The following IGF2R variants were observed in gnomAD, a reference collection of about 807,000 sequenced individuals.
IGF2R encodes cation-independent mannose-6-phosphate receptor.
In IGF2R, 91 loss-of-function variants were observed where a neutral mutation model predicts 270.6. That is an observed-to-expected ratio of 0.34 (90% CI 0.28 to 0.40). The LOEUF is 0.40. IGF2R is among the 10% of genes least tolerant of loss of function. The pLI, the probability that IGF2R is intolerant of heterozygous loss-of-function variation, is 1.00. For synonymous variants in IGF2R, 1,316 were observed against 1,258.9 expected, an observed-to-expected ratio of 1.05 and a Z score of -0.96; for missense variants, 2,805 against 3,188.3, an observed-to-expected ratio of 0.88 and a Z score of 2.90.
At chr6:160,096,416 T>C (rs1268104695) in intron 44 of IGF2R, 23 bp from the exon 45 acceptor site, 2 of 1,600,330 alleles carry the variant, frequency 1.2e-6, no homozygotes, top group Non-Finnish European at 1.7e-6. Context: ...TGACATGCCA[T>C]GTGTGCCCTT....
intron 21 of IGF2R, 64 bp from the exon 22 acceptor site, chr6:160,058,842 T>G: frequency 7.1e-7 from 1 of 1,416,062 alleles, no homozygotes; most frequent in East Asian, 2.3e-5. Flanking sequence ...TTGCTAGGGT[T>G]CTTGTCTGTG....
At chr6:160,093,608 A>C in intron 44 of IGF2R, 1 of 702,076 alleles carries the variant, frequency 1.4e-6, no homozygotes, top group Non-Finnish European at 2.7e-6. Flanking sequence ...CTGGATCATC[A>C]ATGCCTTCCT....
At chr6:160,065,990 A>G (rs1040505987) in intron 29 of IGF2R, among the ~76,000 whole-genome samples, 1 of 135,682 alleles carries the variant, frequency 7.4e-6, no homozygotes, top group Non-Finnish European at 1.6e-5. Flanking sequence ...AGACACCACC[A>G]TGCCTGGCTA....
intron 29 of IGF2R, among the ~76,000 whole-genome samples, chr6:160,065,814 G>GTGTGTGTGTGTGTGTA: frequency 1.3e-5 from 1 of 78,392 alleles, no homozygotes; most frequent in African/African-American, 5.6e-5. Flanking sequence ...GTGTGTGTGT[G>GTGTGTGTGTGTGTGTA]TATATATATA....
intron 44 of IGF2R, chr6:160,093,931 G>C: frequency 1.4e-6 from 1 of 706,856 alleles, no homozygotes; most frequent in South Asian, 1.4e-5. Context: ...CTTTATCACA[G>C]ACTTTGCTAA....
chr6:159,990,587 C>T (rs1157204925), intron 1 of IGF2R, among the ~76,000 whole-genome samples: 1 of 152,128 alleles, frequency 6.6e-6, no homozygotes, highest in African/African-American at 2.4e-5. Flanking sequence ...CAGACTAATA[C>T]ACTGATCTGA....
chr6:160,071,768 C>G (rs140672924), intron 31 of IGF2R, 142 bp from the exon 32 acceptor site: 1 of 1,089,854 alleles, frequency 9.2e-7, no homozygotes, highest in East Asian at 2.4e-5. Flanking sequence ...TCCTAATCTG[C>G]GCCTCATCCC....
intron 13 of IGF2R, 106 bp downstream of exon 13, chr6:160,044,763 T>G (rs544703884): frequency 3.4e-6 from 3 of 892,590 alleles, no homozygotes; most frequent in Non-Finnish European, 3.4e-6. Flanking sequence ...TCAGACAGAT[T>G]GGCATGGTGT....
At chr6:160,056,603 A>G (rs1194393004) in intron 20 of IGF2R, 78 bp downstream of exon 20, 23 of 920,232 alleles carry the variant, frequency 2.5e-5, no homozygotes, top group Non-Finnish European at 3.8e-5. Flanking sequence ...TCCAGCTCTG[A>G]ACCGACCCCT....
intron 5 of IGF2R, 44 bp from the exon 6 acceptor site, chr6:160,027,141 A>G (rs534398113): frequency 6.2e-7 from 1 of 1,610,396 alleles, no homozygotes; most frequent in South Asian, 1.1e-5. Context: ...TGTGATTATC[A>G]CTCCTAACAC....
chr6:160,061,259 C>T (rs1778432838), intron 23 of IGF2R, among the ~76,000 whole-genome samples: 1 of 152,192 alleles, frequency 6.6e-6, no homozygotes, highest in Non-Finnish European at 1.5e-5. Context: ...GATCCTCCTG[C>T]CTCAGCCTCC....
chr6:160,040,747 G>A, intron 11 of IGF2R, 23 bp downstream of exon 11: 4 of 1,600,656 alleles, frequency 2.5e-6, no homozygotes, highest in African/African-American at 2.7e-5. Flanking sequence ...TTGCCATGCG[G>A]GTCTTAGTCC....
intron 46 of IGF2R, 130 bp from the exon 47 acceptor site, chr6:160,103,616 C>A: frequency 1.5e-6 from 1 of 680,082 alleles, no homozygotes; most frequent in Admixed American, 2.4e-5. Flanking sequence ...ATTTGTCATT[C>A]AGAATGTGGG....
chr6:160,008,528 T>C lies in IGF2R; in HGVS notation c.290-482T>C, dbSNP rs79938376. On this transcript the variant is annotated intron_variant, in intron 2 of 47. Coordinates refer to ENST00000356956, the MANE Select transcript of IGF2R (RefSeq NM_000876.4). ...GATGTGGTCATTCTACTTGTGGGCC[T>C]TTCTAGAGAATGTTGATTTTGTAGC... Among the ~76,000 whole-genome samples the C allele has an allele frequency of 1.1e-3, 165 of 152,302 alleles. 2 individuals carry two copies. The highest frequency in any genetic ancestry group is 3.8e-3 in the African/African-American group (158 of 41,568).
In IGF2R at chr6:160,109,959, T is replaced by C. The variant is rs143006932; in HGVS notation, c.*4875T>C. 10 of 152,372 alleles carry C rather than the reference T, an allele frequency of 6.6e-5. No homozygotes were observed. The highest frequency in any genetic ancestry group is 1.5e-4 in the Non-Finnish European group (10 of 68,044). The allele number at this position is 152,372 out of a possible 1,614,324, so 9.4% of individuals were successfully genotyped here. On this transcript the variant is annotated 3_prime_UTR_variant, in exon 48 of 48. Transcript: ENST00000356956. ...CGCAGTGTGCCCCGTGGAACACTTG[T>C]TCTGTATGTTGTTAACAGATGTTTT...
At chr6:160,101,397 G>A (rs1204483818) in intron 45 of IGF2R, among the ~76,000 whole-genome samples, 3 of 152,208 alleles carry the variant, frequency 2.0e-5, no homozygotes, top group Non-Finnish European at 4.4e-5. Flanking sequence ...GTGTGGTGGT[G>A]CTTCTTTCTG....
intron 37 of IGF2R, 109 bp downstream of exon 37, chr6:160,078,471 T>G (rs2115280549): frequency 7.4e-5 from 78 of 1,048,050 alleles, no homozygotes; most frequent in Non-Finnish European, 9.4e-5. Context: ...TGAGAGGGTG[T>G]ATGTGGCCAC....
At chr6:160,045,673 C>T in intron 13 of IGF2R, 72 bp from the exon 14 acceptor site, 1 of 1,574,226 alleles carries the variant, frequency 6.4e-7, no homozygotes, top group Non-Finnish European at 8.7e-7. Flanking sequence ...CTACTTCTAG[C>T]AGAGAAGAAT....
chr6:159,982,301 T>C (rs754375722), intron 1 of IGF2R, among the ~76,000 whole-genome samples: 3 of 152,194 alleles, frequency 2.0e-5, no homozygotes, highest in Non-Finnish European at 4.4e-5. Flanking sequence ...TGGATATGTA[T>C]GAGCTGAAAC....
Sources: gnomAD v4.1 joint callset for allele counts (sites outside exome capture counted in the v4.1 genomes callset) on GRCh38, gnomAD v4.1.1 for gene constraint, MANE v1.5 for transcripts, NCBI Gene and HGNC (gene_info 2026-07-23, HGNC 2026-07-21) for gene names.